The following PDE4D variants were observed in gnomAD, a reference collection of about 807,000 sequenced individuals.
The protein encoded by PDE4D is phosphodiesterase 4D.
PDE4D carries 24 observed loss-of-function variants against 87.4 expected under a neutral mutation model. That is an observed-to-expected ratio of 0.27 (90% CI 0.20 to 0.39). PDE4D has a LOEUF of 0.39. Ranked by LOEUF, PDE4D falls within the 10% of genes least tolerant of loss-of-function variation. PDE4D has a pLI of 1.00. For missense variants in PDE4D, 714 were observed against 1,041.0 expected, an observed-to-expected ratio of 0.69 and a Z score of 4.32; for synonymous variants, 384 against 383.2, an observed-to-expected ratio of 1.00 and a Z score of -0.02.
At chr5:59,265,143 C>T in intron 1 of PDE4D, among the ~76,000 whole-genome samples, 1 of 151,956 alleles carries the variant, frequency 6.6e-6, no homozygotes, top group East Asian at 1.9e-4. Context: ...GGGTGGCACC[C>T]AGTAGGAAAG....
At chr5:60,352,085 A>G (rs949910287) in intron 1 of PDE4D, among the ~76,000 whole-genome samples, 1 of 151,788 alleles carries the variant, frequency 6.6e-6, no homozygotes, top group Non-Finnish European at 1.5e-5. Context: ...GATTACAGGT[A>G]TGAGCCACAG....
chr5:60,047,426 C>T (rs79130627), intron 2 of PDE4D, among the ~76,000 whole-genome samples: 64 of 152,158 alleles, frequency 4.2e-4, no homozygotes, highest in Non-Finnish European at 6.2e-4. Flanking sequence ...AATGTGTTTG[C>T]TCTTGCTTTT....
chr5:60,376,849 G>T (rs1486379406), intron 1 of PDE4D, among the ~76,000 whole-genome samples: 1 of 152,148 alleles, frequency 6.6e-6, no homozygotes, highest in Non-Finnish European at 1.5e-5. Context: ...CAAATGATAA[G>T]TCTCAGCCTA....
intron 2 of PDE4D, 150 bp downstream of exon 2, chr5:59,215,627 T>A: frequency 1.6e-6 from 1 of 609,218 alleles, no homozygotes; most frequent in Non-Finnish European, 2.9e-6. Context: ...AAATCTACCA[T>A]TCATTTCTAG....
At chr5:59,818,042 G>C (rs73092822) in intron 1 of PDE4D, among the ~76,000 whole-genome samples, 2,914 of 152,244 alleles carry the variant, frequency 0.019, 81 homozygotes, top group African/African-American at 0.068. Flanking sequence ...CTCTGAGGAG[G>C]GACATTGAGC....
chr5:59,742,057 T>A (rs532086243), intron 1 of PDE4D, among the ~76,000 whole-genome samples: 2 of 152,210 alleles, frequency 1.3e-5, no homozygotes, highest in African/African-American at 2.4e-5. Context: ...CATCATCATC[T>A]TCTTTTGGGG....
intron 1 of PDE4D, among the ~76,000 whole-genome samples, chr5:60,223,197 A>G (rs1028699432): frequency 6.6e-6 from 1 of 152,130 alleles, no homozygotes; most frequent in Non-Finnish European, 1.5e-5. Flanking sequence ...GAAAATCAAC[A>G]TATAACAAAT....
intron 1 of PDE4D, among the ~76,000 whole-genome samples, chr5:59,500,607 G>T (rs1218250031): frequency 6.6e-6 from 1 of 152,074 alleles, no homozygotes; most frequent in Non-Finnish European, 1.5e-5. Context: ...GATTCCAAAA[G>T]GGTGGGAGGA....
rs1248680527 is a variant in PDE4D, at chr5:59,265,435, T to C, written c.456-49467A>G. Among the ~76,000 whole-genome samples, 11 of 152,068 alleles carry C rather than the reference T, an allele frequency of 7.2e-5. No homozygotes were observed. In the East Asian group the frequency reaches 1.9e-3, roughly 27 times the overall value. On this transcript the variant is annotated intron_variant, in intron 1 of 14. Coordinates refer to ENST00000340635, the MANE Select transcript of PDE4D (RefSeq NM_001104631.2). ...GGAATACCTAGCTCTATATAAATGC[T>C]TAATTCTGACTGTGTTAAAAAAGAC... is the stretch of plus-strand genomic sequence containing the variant.
intron 2 of PDE4D, among the ~76,000 whole-genome samples, chr5:60,032,501 T>C (rs1767347551): frequency 6.6e-6 from 1 of 152,208 alleles, no homozygotes; most frequent in African/African-American, 2.4e-5. Context: ...TTGTTTTAAA[T>C]GGGAAAGGTA....
At chr5:60,498,622 G>A (rs1749928897) in intron 1 of PDE4D, among the ~76,000 whole-genome samples, 1 of 152,192 alleles carries the variant, frequency 6.6e-6, no homozygotes, top group Admixed American at 6.5e-5. Flanking sequence ...TCTTGTTCCT[G>A]TACTCAAGAG....
chr5:60,370,893 A>G (rs1030898492), intron 1 of PDE4D, among the ~76,000 whole-genome samples: 18 of 152,230 alleles, frequency 1.2e-4, no homozygotes, highest in South Asian at 4.2e-4. Flanking sequence ...AATACACAAA[A>G]TGAGTGAATT....
At chr5:59,164,536 TA>T (rs1402855308) in intron 5 of PDE4D, among the ~76,000 whole-genome samples, 1 of 152,214 alleles carries the variant, frequency 6.6e-6, no homozygotes, top group Non-Finnish European at 1.5e-5. Context: ...GCTCAGAGAA[TA>T]ACTTTCCCAA....
At chr5:59,979,763 G>A (rs1004080035) in intron 3 of PDE4D, among the ~76,000 whole-genome samples, 1 of 152,108 alleles carries the variant, frequency 6.6e-6, no homozygotes, top group African/African-American at 2.4e-5. Context: ...AAATGAATGA[G>A]AGAAATGGGA....
chr5:59,743,533 G>T (rs952743767), intron 1 of PDE4D, among the ~76,000 whole-genome samples: 1 of 151,594 alleles, frequency 6.6e-6, no homozygotes, highest in African/African-American at 2.4e-5. Flanking sequence ...ACACACACAC[G>T]TAAGTGTTGA....
intron 5 of PDE4D, among the ~76,000 whole-genome samples, chr5:59,118,736 C>T (rs1187064431): frequency 6.6e-6 from 1 of 152,178 alleles, no homozygotes; most frequent in African/African-American, 2.4e-5. Flanking sequence ...GCTGGTATGC[C>T]TCTGTCCTCT....
intron 1 of PDE4D, among the ~76,000 whole-genome samples, chr5:59,522,539 C>T (rs1424826584): frequency 6.6e-6 from 1 of 152,110 alleles, no homozygotes; most frequent in African/African-American, 2.4e-5. Flanking sequence ...CATTTAGGCC[C>T]CCAGAGTAAC....
chr5:59,220,377 C>CAAAAAAAAAAAAAAAA (rs57610513), intron 1 of PDE4D, among the ~76,000 whole-genome samples: 45 of 36,118 alleles, frequency 1.2e-3, no homozygotes, highest in Non-Finnish European at 1.9e-3. Flanking sequence ...GACTCTGTCT[C>CAAAAAAAAAAAAAAAA]AAAAAAAAAA....
chr5:59,034,862 G>GC (rs1344266130), intron 6 of PDE4D, among the ~76,000 whole-genome samples: 2 of 152,146 alleles, frequency 1.3e-5, no homozygotes, highest in African/African-American at 4.8e-5. Flanking sequence ...ACCTCAAACT[G>GC]CCCCCAAAAT....
Sources: gnomAD v4.1 joint callset for allele counts (sites outside exome capture counted in the v4.1 genomes callset) on GRCh38, gnomAD v4.1.1 for gene constraint, MANE v1.5 for transcripts, NCBI Gene and HGNC (gene_info 2026-07-23, HGNC 2026-07-21) for gene names.